Variants in ESR1 observed in about 807,000 individuals in gnomAD.
ESR1 encodes the protein estrogen receptor.
A neutral mutation model predicts 52.7 loss-of-function variants in ESR1; 12 were observed. The observed-to-expected ratio is 0.23, with a 90% confidence interval of 0.15 to 0.37. The LOEUF is 0.37. Among genes scored for constraint, ESR1 ranks in the 10% least tolerant of loss-of-function variants. ESR1 has a pLI of 1.00. For missense variants in ESR1, 584 were observed against 779.7 expected, an observed-to-expected ratio of 0.75 and a Z score of 2.99; for synonymous variants, 305 against 316.8, an observed-to-expected ratio of 0.96 and a Z score of 0.39.
chr6:151,903,507 T>C (rs1202226667), intron 3 of ESR1, among the ~76,000 whole-genome samples: 1 of 152,124 alleles, frequency 6.6e-6, no homozygotes, highest in African/African-American at 2.4e-5. Flanking sequence ...CCAGTTCTGA[T>C]CTTGGGCATG....
At chr6:151,742,936 G>A (rs772764648) in intron 2 of ESR1, among the ~76,000 whole-genome samples, 4 of 152,154 alleles carry the variant, frequency 2.6e-5, no homozygotes, top group African/African-American at 7.2e-5. Flanking sequence ...GAGATAAGAC[G>A]AAAATTGAAT....
At chr6:152,081,705 T>G (rs2049232146) in intron 6 of ESR1, among the ~76,000 whole-genome samples, 1 of 151,162 alleles carries the variant, frequency 6.6e-6, no homozygotes, top group Non-Finnish European at 1.5e-5. Context: ...TTTGAAAAGA[T>G]CAACAAAATT....
intron 2 of ESR1, among the ~76,000 whole-genome samples, chr6:151,770,229 C>T (rs1785405457): frequency 6.6e-6 from 1 of 152,098 alleles, no homozygotes; most frequent in Non-Finnish European, 1.5e-5. Flanking sequence ...TTCACTTCAG[C>T]ATTATGTAAT....
Position 152,034,035 on chromosome 6 carries a change from A to T in ESR1, c.1235+22241A>T, listed in dbSNP as rs9479170. Among the ~76,000 whole-genome samples the T allele has an allele frequency of 5.1e-3, 768 of 151,784 alleles. 5 individuals are homozygous for T. Among genetic ancestry groups the T allele is most frequent in the African/African-American group, 0.018 (735 of 41,376 alleles). On this transcript the variant is annotated intron_variant, in intron 5 of 7. Coordinates refer to ENST00000206249, the MANE Select transcript of ESR1 (RefSeq NM_000125.4). ...AAACCATCATTGTGAGCGAACTATCACAAGGACAAAAAACCAAACACCACA... is the reference window on the plus strand; with the variant it reads ...AAACCATCATTGTGAGCGAACTATCTCAAGGACAAAAAACCAAACACCACA...
intron 4 of ESR1, among the ~76,000 whole-genome samples, chr6:151,970,938 A>G (rs1219863271): frequency 6.6e-6 from 1 of 152,136 alleles, no homozygotes; most frequent in Non-Finnish European, 1.5e-5. Flanking sequence ...CTTTGATTTC[A>G]TCTTGCTGTT....
At chr6:152,125,067 C>G (rs762532711) in intron 6 of ESR1, among the ~76,000 whole-genome samples, 1 of 152,134 alleles carries the variant, frequency 6.6e-6, no homozygotes, top group Non-Finnish European at 1.5e-5. Flanking sequence ...AGATTTCAAC[C>G]CTGTGATTTT....
At chr6:151,770,084 G>C (rs924740226) in intron 2 of ESR1, among the ~76,000 whole-genome samples, 2 of 151,750 alleles carry the variant, frequency 1.3e-5, no homozygotes, top group Non-Finnish European at 2.9e-5. Context: ...ATATTAGCCT[G>C]AATGGAATAG....
At chr6:152,088,136 T>C (rs555490483) in intron 6 of ESR1, among the ~76,000 whole-genome samples, 123 of 152,272 alleles carry the variant, frequency 8.1e-4, no homozygotes, top group African/African-American at 2.8e-3. Context: ...AAAGGAGAAA[T>C]TATATTAAAC....
intron 1 of ESR1, among the ~76,000 whole-genome samples, chr6:151,662,664 G>A (rs1279024799): frequency 6.6e-6 from 1 of 152,208 alleles, no homozygotes; most frequent in Non-Finnish European, 1.5e-5. Context: ...AGCAAGAGAA[G>A]ATGTACCATG....
At chr6:151,659,150 A>T (rs1389712867) in intron 1 of ESR1, among the ~76,000 whole-genome samples, 1 of 152,128 alleles carries the variant, frequency 6.6e-6, no homozygotes, top group East Asian at 1.9e-4. Flanking sequence ...AGTAGCTGGG[A>T]TTACAGTCAT....
At chr6:152,071,193 A>T (rs1443537479) in intron 6 of ESR1, among the ~76,000 whole-genome samples, 1 of 151,856 alleles carries the variant, frequency 6.6e-6, no homozygotes, top group African/African-American at 2.4e-5. Flanking sequence ...TACCTCAAAG[A>T]CCTCATGATC....
intron 1 of ESR1, among the ~76,000 whole-genome samples, chr6:151,680,681 G>T (rs778574233): frequency 6.6e-6 from 1 of 152,080 alleles, no homozygotes; most frequent in Non-Finnish European, 1.5e-5. Context: ...ATGGATTTTG[G>T]GGGGACACAA....
At chr6:151,867,072 C>G (rs1055783271) in intron 2 of ESR1, among the ~76,000 whole-genome samples, 3 of 152,132 alleles carry the variant, frequency 2.0e-5, no homozygotes, top group African/African-American at 7.2e-5. Flanking sequence ...ATGCAGAAAA[C>G]TGAAACTGGA....
intron 1 of ESR1, among the ~76,000 whole-genome samples, chr6:151,692,981 A>G (rs1779061220): frequency 1.3e-5 from 2 of 152,236 alleles, no homozygotes; most frequent in African/African-American, 4.8e-5. Context: ...AGTTTAATTC[A>G]GATCCATGGA....
At chr6:151,819,810 C>T (rs1049309607) in intron 1 of ESR1, among the ~76,000 whole-genome samples, 10 of 152,146 alleles carry the variant, frequency 6.6e-5, no homozygotes, top group Non-Finnish European at 1.0e-4. Context: ...TCCATGAAAC[C>T]GGTCATGGAA....
At chr6:151,829,430 T>C (rs1299627026) in intron 1 of ESR1, among the ~76,000 whole-genome samples, 1 of 152,208 alleles carries the variant, frequency 6.6e-6, no homozygotes, top group African/African-American at 2.4e-5. Context: ...AAGTGATTTT[T>C]TTTGTGGGAA....
Position 151,733,954 on chromosome 6 carries a change from G to A in ESR1, c.-71+31949G>A, listed in dbSNP as rs749490316. ...ACAATTATTTTCCTTTACAAATTTGGTTGATGACATATTCACTTGGGATAA... is the reference window on the plus strand; with the variant it reads ...ACAATTATTTTCCTTTACAAATTTGATTGATGACATATTCACTTGGGATAA... On this transcript the variant is annotated intron_variant, in intron 2 of 2. Transcript: ENST00000404742. Among the ~76,000 whole-genome samples, 132 of 152,236 alleles carry A rather than the reference G, an allele frequency of 8.7e-4. 1 individual carries two copies. Among genetic ancestry groups the A allele is most frequent in the Middle Eastern group, 3.4e-3 (1 of 294 alleles).
intron 1 of ESR1, among the ~76,000 whole-genome samples, chr6:151,695,463 C>T (rs991921677): frequency 6.6e-6 from 1 of 152,114 alleles, no homozygotes; most frequent in Non-Finnish European, 1.5e-5. Context: ...TAGGAGAGTG[C>T]CACTGGCTTT....
chr6:152,034,269 C>A (rs1453522275), intron 5 of ESR1, among the ~76,000 whole-genome samples: 2 of 143,780 alleles, frequency 1.4e-5, no homozygotes, highest in Non-Finnish European at 3.1e-5. Context: ...GCACATGTAC[C>A]CTAAAACTTA....
Sources: allele counts gnomAD v4.1 joint callset (sites outside exome capture counted in the v4.1 genomes callset), GRCh38; gene constraint gnomAD v4.1.1; transcripts MANE v1.5; gene names NCBI Gene and HGNC (gene_info 2026-07-23, HGNC 2026-07-21).